The following ANK3 variants were observed in gnomAD, a reference collection of about 807,000 sequenced individuals.
The protein encoded by ANK3 is ankyrin 3.
Under a neutral mutation model 370.9 loss-of-function variants are expected in ANK3, and 57 were observed. That is an observed-to-expected ratio of 0.15 (90% CI 0.12 to 0.19). The LOEUF (loss-of-function observed/expected upper bound fraction) is 0.19, where lower values mean the gene tolerates loss of function less well. ANK3 is among the 10% of genes least tolerant of loss of function. ANK3 has a pLI of 1.00. For synonymous variants in ANK3, 1,929 were observed against 1,946.3 expected (o/e 0.99, Z 0.23); for missense variants, 4,439 against 5,302.1 (o/e 0.84, Z 5.06).
intron 26 of ANK3, among the ~76,000 whole-genome samples, chr10:60,111,500 T>A (rs1343038211): frequency 6.6e-6 from 1 of 152,194 alleles, no homozygotes; most frequent in African/African-American, 2.4e-5. Context: ...CAACATAACT[T>A]ATAGAACAAA....
chr10:60,334,237 CAT>C (rs1417535891), intron 1 of ANK3, among the ~76,000 whole-genome samples: 1 of 152,138 alleles, frequency 6.6e-6, no homozygotes, highest in Non-Finnish European at 1.5e-5. Flanking sequence ...ATGGGCTTCA[CAT>C]GTTTATTTTG....
At position 60,213,430 on chromosome 10, in the gene ANK3, G is replaced by T. The variant is rs1201974916; in HGVS notation, c.978C>A (p.Pro326=). 6.2e-7 allele frequency: 1 copy of T among 1,612,044 alleles called. No homozygotes were observed. The highest frequency in any genetic ancestry group is 1.1e-5 in the South Asian group (1 of 90,760). The part of the protein sequence containing the change: ...VVEMLLDRAA[P]ILSKTKNGLS... The stretch of plus-strand genomic sequence containing the variant: ...AAATTACCTTGGTTTTTGAAAGAAT[G>T]GGGGCAGCTCGATCAAGCAACATTT... Residue 326 remains proline (P), a synonymous_variant, in exon 9 of 44, where the codon CCC becomes CCA. Coordinates refer to ENST00000280772, the MANE Select transcript of ANK3 (RefSeq NM_020987.5).
chr10:60,495,993 T>TCC (rs911097528), intron 2 of ANK3, among the ~76,000 whole-genome samples: 1 of 150,856 alleles, frequency 6.6e-6, no homozygotes, highest in African/African-American at 2.4e-5. Flanking sequence ...TTTTTTTTTT[T>TCC]CTCTTGTTTC....
Position 60,095,403 on chromosome 10 carries a change from C to T in ANK3, c.3329-7045G>A, listed in dbSNP as rs575128367. The stretch of plus-strand genomic sequence containing the variant: ...TTAGATTACTTTATTTTATTAGATA[C>T]GAGGTTTCACTTTGTCACTTTGGCT... On this transcript the variant is annotated intron_variant, in intron 28 of 43. Transcript: ENST00000280772. Among the ~76,000 whole-genome samples, 52 of 152,276 alleles carry T rather than the reference C, an allele frequency of 3.4e-4. No individual in the cohort carries two copies. In the South Asian group the frequency reaches 8.9e-3, roughly 26 times the overall value.
At chr10:60,082,309 A>C in intron 34 of ANK3, 133 bp from the exon 35 acceptor site, 2 of 853,216 alleles carry the variant, frequency 2.3e-6, no homozygotes, top group Non-Finnish European at 3.6e-6. Flanking sequence ...GCAAATTTTA[A>C]AAAAAGCCAA....
At chr10:60,443,958 G>A (rs1349863371) in intron 2 of ANK3, among the ~76,000 whole-genome samples, 2 of 151,894 alleles carry the variant, frequency 1.3e-5, no homozygotes, top group East Asian at 1.9e-4. Flanking sequence ...CATTTACCAA[G>A]GTACCTTGGG....
chr10:60,643,651 G>A (rs994554895), intron 1 of ANK3, among the ~76,000 whole-genome samples: 95 of 152,066 alleles, frequency 6.2e-4, no homozygotes, highest in African/African-American at 2.2e-3. Flanking sequence ...CAATTTGAGT[G>A]ACTACAACCG....
chr10:60,140,462 A>G, intron 23 of ANK3: 2 of 1,608,098 alleles, frequency 1.2e-6, no homozygotes, highest in Non-Finnish European at 1.7e-6. Context: ...GCTCAAGGAA[A>G]CCAATCCCTG....
intron 23 of ANK3, among the ~76,000 whole-genome samples, chr10:60,162,675 A>G (rs58105177): frequency 0.088 from 13,365 of 152,110 alleles, 1,577 homozygotes; most frequent in African/African-American, 0.27. Context: ...TTAATATTTA[A>G]TGTCTGCATT....
At chr10:60,550,653 T>TA (rs1003801415) in intron 2 of ANK3, among the ~76,000 whole-genome samples, 15 of 152,168 alleles carry the variant, frequency 9.9e-5, no homozygotes, top group Admixed American at 5.2e-4. Context: ...GTATAAACAT[T>TA]AAAAAATAAA....
chr10:60,579,015 GA>G (rs1034627145), intron 2 of ANK3, among the ~76,000 whole-genome samples: 2 of 150,884 alleles, frequency 1.3e-5, no homozygotes, highest in Non-Finnish European at 3.0e-5. Flanking sequence ...AGGAACAGGA[GA>G]AAAAAAAATG....
At chr10:60,609,704 G>T (rs2078176947) in intron 2 of ANK3, among the ~76,000 whole-genome samples, 1 of 152,046 alleles carries the variant, frequency 6.6e-6, no homozygotes, top group African/African-American at 2.4e-5. Flanking sequence ...AAGCATTCAT[G>T]GATACCTTAC....
intron 1 of ANK3, among the ~76,000 whole-genome samples, chr10:60,381,562 G>A (rs1040532981): frequency 3.9e-5 from 6 of 152,058 alleles, no homozygotes; most frequent in East Asian, 3.9e-4. Flanking sequence ...AAATAATTTC[G>A]AGTGCTTATA....
intron 2 of ANK3, among the ~76,000 whole-genome samples, chr10:60,571,788 T>C (rs2077606024): frequency 1.3e-5 from 2 of 152,180 alleles, no homozygotes; most frequent in Non-Finnish European, 2.9e-5. Flanking sequence ...AGGAGCACCT[T>C]TGAAGATATA....
intron 1 of ANK3, among the ~76,000 whole-genome samples, chr10:60,706,660 TTAGAG>T (rs961951670): frequency 7.4e-4 from 112 of 152,344 alleles, no homozygotes; most frequent in African/African-American, 2.7e-3. Context: ...CCTTCGTATT[TTAGAG>T]TATAGTAGGG....
chr10:60,334,974 T>C (rs2052436963), intron 1 of ANK3, among the ~76,000 whole-genome samples: 2 of 152,088 alleles, frequency 1.3e-5, no homozygotes, highest in African/African-American at 4.8e-5. Context: ...GTACTGGCTT[T>C]ATACGACCTT....
intron 18 of ANK3, among the ~76,000 whole-genome samples, chr10:60,180,666 GAAGA>G (rs978232935): frequency 3.4e-5 from 5 of 147,476 alleles, no homozygotes; most frequent in African/African-American, 5.1e-5. Flanking sequence ...AATCTGATAT[GAAGA>G]AATAACAAAA....
chr10:60,387,949 A>G (rs1389636614), intron 1 of ANK3, among the ~76,000 whole-genome samples: 3 of 152,190 alleles, frequency 2.0e-5, no homozygotes, highest in Non-Finnish European at 2.9e-5. Flanking sequence ...ATACAAATAT[A>G]TGTACCTTTT....
intron 2 of ANK3, among the ~76,000 whole-genome samples, chr10:60,513,358 T>A (rs1282385113): frequency 1.3e-5 from 2 of 152,100 alleles, no homozygotes; most frequent in Admixed American, 1.3e-4. Context: ...CCAGTCAAGA[T>A]TCTACTTTAT....
Sources: gnomAD v4.1 joint callset for allele counts (sites outside exome capture counted in the v4.1 genomes callset) on GRCh38, gnomAD v4.1.1 for gene constraint, MANE v1.5 for transcripts, NCBI Gene and HGNC (gene_info 2026-07-23, HGNC 2026-07-21) for gene names.